AP3B1: variants seen among roughly 807,000 people sequenced by gnomAD.
AP3B1 encodes AP-3 complex subunit beta-1.
A neutral mutation model predicts 132.5 loss-of-function variants in AP3B1; 61 were observed. The observed-to-expected ratio is 0.46, with a 90% CI of 0.37 to 0.57. AP3B1 has a LOEUF of 0.57. AP3B1 is among the 20% of genes least tolerant of loss of function. AP3B1 has a pLI of 0.00. For synonymous variants in AP3B1, 388 were observed against 438.3 expected (o/e 0.89, Z 1.43); for missense variants, 1,120 against 1,289.4 (o/e 0.87, Z 2.01).
rs544830395 is a variant in AP3B1 at position 78,002,654 on chromosome 5, C to T, written c.*248G>A. 29 of 604,202 alleles carry T rather than the reference C, an allele frequency of 4.8e-5. No individual in the cohort carries two copies. In the African/African-American group the frequency reaches 4.8e-4, roughly 10 times the overall value. The allele number at this position is 604,202 out of a possible 1,614,324, so 37.4% of individuals were successfully genotyped here. On this transcript the variant is annotated 3_prime_UTR_variant, in exon 27 of 27. Coordinates refer to ENST00000255194, the MANE Select transcript of AP3B1 (RefSeq NM_003664.5). ...AAGCAGCAGGACAGAGAAAACGCCA[C>T]ATGGATTCAAGAGTTGAGACAACTG... is the stretch of plus-strand genomic sequence containing the variant.
At chr5:78,140,438 G>A (rs918964906) in intron 15 of AP3B1, among the ~76,000 whole-genome samples, 6 of 152,096 alleles carry the variant, frequency 3.9e-5, no homozygotes, top group Non-Finnish European at 7.4e-5. Flanking sequence ...TCTGGAGGCT[G>A]GGAAATCCAA....
At chr5:78,254,297 A>G (rs1050050978) in intron 2 of AP3B1, among the ~76,000 whole-genome samples, 13 of 152,210 alleles carry the variant, frequency 8.5e-5, no homozygotes, top group African/African-American at 3.1e-4. Context: ...AAGTTTATTC[A>G]AAGGGATAAT....
chr5:78,042,700 TC>T, intron 22 of AP3B1: 1 of 168,372 alleles, frequency 5.9e-6, no homozygotes, highest in Non-Finnish European at 1.4e-5. Context: ...CAGGGGCAGA[TC>T]CCAAGTCAAC....
chr5:78,199,419 T>C (rs1050261143), intron 7 of AP3B1, among the ~76,000 whole-genome samples: 1 of 152,294 alleles, frequency 6.6e-6, no homozygotes, highest in Non-Finnish European at 1.5e-5. Flanking sequence ...GATCCAGTGA[T>C]GGGGAAGAAA....
Position 78,017,491 on chromosome 5 carries a change from T to A in AP3B1, c.2993-1943A>T, listed in dbSNP as rs1746907890. ...AGAACCTGGAAAGAAAAAAAGGTGC[T>A]CTAATTAAGGGGCATCAAATATGAT... On this transcript the variant is annotated intron_variant, in intron 25 of 26. Transcript: ENST00000255194. Among the ~76,000 whole-genome samples the A allele has an allele frequency of 2.0e-5, 3 of 152,016 alleles. No individual in the cohort carries two copies. The South Asian group carries it at 6.2e-4, about 31-fold the overall frequency.
chr5:78,278,612 AAAAAAAAAAAAAAG>A (rs1748893436), intron 1 of AP3B1, among the ~76,000 whole-genome samples: 2 of 78,258 alleles, frequency 2.6e-5, no homozygotes, highest in African/African-American at 3.6e-5. Flanking sequence ...AAAAAAAAAA[AAAAAAAAAAAAAAG>A]GGGGGGGGGG....
chr5:78,059,288 A>G (rs1748942755), intron 22 of AP3B1, among the ~76,000 whole-genome samples: 2 of 152,346 alleles, frequency 1.3e-5, no homozygotes, highest in South Asian at 4.1e-4. Flanking sequence ...AACAAAAACC[A>G]AATTGGATTT....
chr5:78,078,939 G>A (rs1749872208), intron 22 of AP3B1, among the ~76,000 whole-genome samples: 1 of 152,168 alleles, frequency 6.6e-6, no homozygotes. Flanking sequence ...AAACATTAGG[G>A]GAACATGTGT....
chr5:78,268,721 A>C (rs540848789), intron 1 of AP3B1, among the ~76,000 whole-genome samples: 2 of 152,314 alleles, frequency 1.3e-5, no homozygotes, highest in African/African-American at 2.4e-5. Context: ...AACTAAAAAC[A>C]AGAAAACAGA....
chr5:78,270,848 G>C (rs1371638478), intron 1 of AP3B1, among the ~76,000 whole-genome samples: 5 of 152,090 alleles, frequency 3.3e-5, no homozygotes, highest in African/African-American at 9.7e-5. Flanking sequence ...CTTTCATCTT[G>C]AAATTCCCTC....
chr5:78,198,663 G>A (rs1745167645), intron 7 of AP3B1, among the ~76,000 whole-genome samples: 1 of 152,112 alleles, frequency 6.6e-6, no homozygotes, highest in African/African-American at 2.4e-5. Context: ...CTTCAAATAT[G>A]CACTCAGAGG....
At chr5:78,085,241 G>A (rs1750188914) in intron 22 of AP3B1, among the ~76,000 whole-genome samples, 1 of 152,098 alleles carries the variant, frequency 6.6e-6, no homozygotes, top group African/African-American at 2.4e-5. Flanking sequence ...ACAGATGTTG[G>A]TTTTTGTAAT....
chr5:78,221,807 T>A (rs1232456701), intron 6 of AP3B1, among the ~76,000 whole-genome samples: 2 of 151,940 alleles, frequency 1.3e-5, no homozygotes, highest in Non-Finnish European at 2.9e-5. Context: ...ATAATAAAAA[T>A]TCTGAATCTA....
chr5:78,212,963 T>C (rs1007496435), intron 7 of AP3B1, among the ~76,000 whole-genome samples: 3 of 152,096 alleles, frequency 2.0e-5, no homozygotes, highest in Non-Finnish European at 2.9e-5. Flanking sequence ...CTGCAAGCTC[T>C]GCCTCCTGGG....
chr5:78,041,655 G>A (rs767136715), intron 22 of AP3B1, among the ~76,000 whole-genome samples: 70 of 151,566 alleles, frequency 4.6e-4, no homozygotes, highest in Non-Finnish European at 1.6e-4. Context: ...TTAAAATTTT[G>A]GTTATATAAA....
intron 22 of AP3B1, among the ~76,000 whole-genome samples, chr5:78,084,678 T>A (rs752446699): frequency 6.6e-6 from 1 of 152,008 alleles, no homozygotes; most frequent in African/African-American, 2.4e-5. Context: ...GGGTAATAGA[T>A]GTATTACATC....
intron 23 of AP3B1, among the ~76,000 whole-genome samples, chr5:78,038,744 G>C (rs1191553910): frequency 6.6e-6 from 1 of 152,130 alleles, no homozygotes; most frequent in Non-Finnish European, 1.5e-5. Flanking sequence ...GGAGAGATGG[G>C]GAAAGGTGAC....
intron 6 of AP3B1, among the ~76,000 whole-genome samples, chr5:78,217,596 A>G (rs1746016014): frequency 6.6e-6 from 1 of 152,106 alleles, no homozygotes; most frequent in African/African-American, 2.4e-5. Context: ...CAAAAGACAT[A>G]ATTTCTTTAG....
At chr5:78,171,176 C>T (rs183113051) in intron 11 of AP3B1, among the ~76,000 whole-genome samples, 306 of 152,276 alleles carry the variant, frequency 2.0e-3, no homozygotes, top group Non-Finnish European at 3.3e-3. Context: ...GTGATGCCTC[C>T]AGCTTTGTTC....
Sources: allele counts gnomAD v4.1 joint callset (sites outside exome capture counted in the v4.1 genomes callset), GRCh38; gene constraint gnomAD v4.1.1; transcripts MANE v1.5; gene names NCBI Gene and HGNC (gene_info 2026-07-23, HGNC 2026-07-21).